Variants in SEC23B observed in about 807,000 individuals in gnomAD.
The protein encoded by SEC23B is protein transport protein Sec23B.
SEC23B carries 77 observed loss-of-function variants against 104.3 expected under a neutral mutation model. That is an observed-to-expected ratio of 0.74 (90% CI 0.61 to 0.89). SEC23B has a LOEUF of 0.89. SEC23B is among the 40% of genes least tolerant of loss of function. The pLI is 0.00. For missense variants in SEC23B, 885 were observed against 949.4 expected (o/e 0.93, Z 0.89); for synonymous variants, 338 against 332.5 (o/e 1.02, Z -0.18).
chr20:18,553,717 G>C (rs1323089498), intron 17 of SEC23B, among the ~76,000 whole-genome samples: 1 of 152,108 alleles, frequency 6.6e-6, no homozygotes, highest in African/African-American at 2.4e-5. Flanking sequence ...CTTTGCCAAG[G>C]GTACCCCAAT....
rs561954559 is a variant in SEC23B at position 18,524,685 on chromosome 20, G to C, written c.603+16G>C. ...GCAAATACAGGTTTGTACCTTACTTGTACAGGAGCAGAAACAAGGACTTTT... is the reference window on the plus strand; with the variant it reads ...GCAAATACAGGTTTGTACCTTACTTCTACAGGAGCAGAAACAAGGACTTTT... On this transcript the variant is annotated intron_variant, in intron 5 of 19. Coordinates refer to ENST00000650089, the MANE Select transcript of SEC23B (RefSeq NM_006363.6). The C allele has an allele frequency of 1.9e-6, 3 of 1,596,080 alleles. No individual in the cohort carries two copies. Among genetic ancestry groups the C allele is most frequent in the Non-Finnish European group, 2.6e-6 (3 of 1,164,876 alleles).
chr20:18,554,235 AC>A lies in SEC23B; in HGVS notation c.1995del (p.Ile666Ter). On this transcript the variant is annotated frameshift_variant and splice_region_variant, in exon 18 of 20. Coordinates refer to ENST00000650089, the MANE Select transcript of SEC23B (RefSeq NM_006363.6). LOFTEE classifies it high-confidence loss of function. Reference protein sequence around the residue: ...FFQIVIYLGETIAQWRKAGYQ... With the variant: ...FFQIVIYLGEXIAQWRKAGYQ... ...TTTTGGTTGGTTTGTTTCTGTGTAGACCATAGCCCAGTGGCGTAAAGCTGGC... is the reference window on the plus strand; with the variant it reads ...TTTTGGTTGGTTTGTTTCTGTGTAGACATAGCCCAGTGGCGTAAAGCTGGC... 1 of 1,614,126 alleles carries A rather than the reference AC, an allele frequency of 6.2e-7. No homozygotes were observed. Among genetic ancestry groups the A allele is most frequent in the Non-Finnish European group, 8.5e-7 (1 of 1,180,028 alleles).
chr20:18,555,281 C>A, intron 19 of SEC23B, 108 bp downstream of exon 19: 2 of 906,484 alleles, frequency 2.2e-6, no homozygotes, highest in Non-Finnish European at 1.8e-6. Flanking sequence ...AGAATAACTG[C>A]GTAAGTTGGG....
chr20:18,547,521 C>T (rs1286391907), intron 15 of SEC23B, among the ~76,000 whole-genome samples: 7 of 152,228 alleles, frequency 4.6e-5, no homozygotes, highest in Admixed American at 1.3e-4. Flanking sequence ...TTCTCATCCT[C>T]GAGGGCGAGA....
chr20:18,541,225 GA>G (rs2060285011), intron 12 of SEC23B, among the ~76,000 whole-genome samples: 1 of 152,334 alleles, frequency 6.6e-6, no homozygotes, highest in South Asian at 2.1e-4. Context: ...CCTTGCTCTG[GA>G]TTAGGCCCTG....
intron 4 of SEC23B, among the ~76,000 whole-genome samples, chr20:18,523,728 G>A (rs1450808797): frequency 3.4e-5 from 5 of 149,216 alleles, no homozygotes; most frequent in Non-Finnish European, 5.9e-5. Context: ...TTTTTAAGAT[G>A]GGGTCTTGCT....
Position 18,548,766 on chromosome 20 carries a change from C to T in SEC23B, c.1901C>T (p.Pro634Leu), listed in dbSNP as rs372083109. The stretch of plus-strand genomic sequence containing the variant: ...TACTCTTACTCCTTTCATGGGCCAC[C>T]AGAGGTGAGGCTCTACCCAAATGCT... ...ILYSYSFHGP[P>L]EPVLLDSSSI... Residue 634 changes from proline to leucine, a missense_variant, in exon 16 of 20, where the codon CCA becomes CTA. Transcript: ENST00000650089. 4.2e-5 allele frequency: 68 copies of T among 1,614,056 alleles called. No homozygotes were observed. The highest frequency in any genetic ancestry group is 5.4e-5 in the Non-Finnish European group (64 of 1,179,960).
At chr20:18,555,252 T>A in intron 19 of SEC23B, 79 bp downstream of exon 19, 1 of 1,224,446 alleles carries the variant, frequency 8.2e-7, no homozygotes, top group South Asian at 1.2e-5. Flanking sequence ...ACAAATTGGA[T>A]CTCTTTTGGC....
rs1434429260 is a variant in SEC23B, at chr20:18,524,982, A to G, written c.651A>G (p.Arg217=). The part of the protein sequence containing the change: ...TKPAMPMQQA[R]PAQPQEHPFA... ...CAGCCATGCCCATGCAGCAAGCACGACCTGCACAACCACAGGAGCACCCTT... is the reference window on the plus strand; with the variant it reads ...CAGCCATGCCCATGCAGCAAGCACGGCCTGCACAACCACAGGAGCACCCTT... Residue 217 remains arginine, a synonymous_variant, in exon 6 of 20, where the codon CGA becomes CGG. Transcript: ENST00000650089. The G allele has an allele frequency of 6.2e-7, 1 of 1,613,956 alleles. No individual in the cohort carries two copies. The highest frequency in any genetic ancestry group is 1.3e-5 in the African/African-American group (1 of 74,878).
At chr20:18,526,272 G>A (rs2060133130) in intron 7 of SEC23B, 101 bp from the exon 8 acceptor site, 1 of 1,331,894 alleles carries the variant, frequency 7.5e-7, no homozygotes, top group Non-Finnish European at 1.1e-6. Context: ...TTTTAGGACA[G>A]CTGGAGAGAA....
At chr20:18,524,877 T>C (rs2060120508) in intron 5 of SEC23B, 58 bp from the exon 6 acceptor site, 12 of 1,569,664 alleles carry the variant, frequency 7.6e-6, no homozygotes, top group Middle Eastern at 3.3e-4. Context: ...TCTTAAAAAT[T>C]AGTCATTCAC....
intron 19 of SEC23B, among the ~76,000 whole-genome samples, chr20:18,560,153 A>C (rs1408377122): frequency 1.3e-5 from 2 of 151,866 alleles, no homozygotes; most frequent in Non-Finnish European, 2.9e-5. Context: ...TTGGAATCTT[A>C]CTACAAATTG....
chr20:18,534,405 G>T, intron 11 of SEC23B, among the ~76,000 whole-genome samples: 1 of 152,272 alleles, frequency 6.6e-6, no homozygotes, highest in South Asian at 2.1e-4. Flanking sequence ...TGAGAGTCTG[G>T]GTTAAAGGTG....
At chr20:18,509,591 A>C (rs1600222784) in intron 1 of SEC23B, 1 of 149,474 alleles carries the variant, frequency 6.7e-6, no homozygotes, top group East Asian at 2.1e-4. Flanking sequence ...TACTGACCAC[A>C]GTCTTCATTT....
intron 11 of SEC23B, among the ~76,000 whole-genome samples, chr20:18,535,199 C>A (rs1388834907): frequency 6.6e-6 from 1 of 150,544 alleles, no homozygotes; most frequent in Non-Finnish European, 1.5e-5. Flanking sequence ...CACACCCACC[C>A]CCCCCCACAC....
intron 2 of SEC23B, among the ~76,000 whole-genome samples, chr20:18,511,510 T>A (rs2059981892): frequency 6.6e-6 from 1 of 152,124 alleles, no homozygotes; most frequent in South Asian, 2.1e-4. Flanking sequence ...GTGTAATTTT[T>A]TTTTTTTTTG....
chr20:18,547,471 A>T (rs2060343202), intron 15 of SEC23B, among the ~76,000 whole-genome samples: 1 of 152,164 alleles, frequency 6.6e-6, no homozygotes, highest in Non-Finnish European at 1.5e-5. Context: ...GTGTTCTGGC[A>T]ACTCTTTAAT....
intron 16 of SEC23B, among the ~76,000 whole-genome samples, chr20:18,550,107 T>C (rs199833567): frequency 8.2e-6 from 1 of 121,744 alleles, no homozygotes; most frequent in Non-Finnish European, 1.7e-5. Context: ...TATGTATATA[T>C]AAATATAAAT....
In SEC23B at chr20:18,554,397, G is replaced by A. The variant is rs1304978962; in HGVS notation, c.2148+7G>A. Reference sequence around the variant, plus strand: ...GGAGCATGGAGGCAGTCAGGTGAGTGAGCTGAGTTCTAACTCCAGTGGTTT... The same window carrying A: ...GGAGCATGGAGGCAGTCAGGTGAGTAAGCTGAGTTCTAACTCCAGTGGTTT... On this transcript the variant is annotated splice_region_variant and intron_variant, in intron 18 of 19. Coordinates refer to ENST00000650089, the MANE Select transcript of SEC23B (RefSeq NM_006363.6). 6.2e-7 allele frequency: 1 copy of A among 1,614,170 alleles called. No individual in the cohort carries two copies. The highest frequency in any genetic ancestry group is 1.3e-5 in the African/African-American group (1 of 75,046).
Sources: allele counts gnomAD v4.1 joint callset (sites outside exome capture counted in the v4.1 genomes callset), GRCh38; gene constraint gnomAD v4.1.1; transcripts MANE v1.5; gene names NCBI Gene and HGNC (gene_info 2026-07-23, HGNC 2026-07-21).